The following NRXN3 variants were observed in gnomAD, a reference collection of about 807,000 sequenced individuals.
The protein encoded by NRXN3 is neurexin 3, also known as neurexin III.
NRXN3 carries 32 observed loss-of-function variants against 137.6 expected under a neutral mutation model. That is an observed-to-expected ratio of 0.23 (90% CI 0.18 to 0.31). The LOEUF (loss-of-function observed/expected upper bound fraction) is 0.31. Ranked by LOEUF, NRXN3 falls within the 10% of genes least tolerant of loss-of-function variation. NRXN3 has a pLI of 1.00. For missense variants in NRXN3, 1,574 were observed against 2,062.5 expected (o/e 0.76, Z 4.59); for synonymous variants, 798 against 784.5 (o/e 1.02, Z -0.29).
At chr14:78,270,210 G>A (rs2072497309) in intron 2 of NRXN3, among the ~76,000 whole-genome samples, 1 of 152,144 alleles carries the variant, frequency 6.6e-6, no homozygotes, top group Non-Finnish European at 1.5e-5. Flanking sequence ...CAGAGAAATT[G>A]GAGATGTCTG....
rs200800844 is a variant in NRXN3, at chr14:79,088,195, G to A, written c.3262+100054G>A. Among the ~76,000 whole-genome samples the A allele has an allele frequency of 1.1e-4, 16 of 149,956 alleles. 2 individuals are homozygous for A. The East Asian group carries it at 1.5e-3, about 14-fold the overall frequency. On this transcript the variant is annotated intron_variant, in intron 15 of 20. Coordinates refer to ENST00000335750, the MANE Select transcript of NRXN3 (RefSeq NM_001330195.2). ...TTCAGATAAATCACTTGAACTATCT[G>A]AGCTTTGAAGTGCTTCAGCTTCCAC...
At chr14:78,279,504 T>C (rs1332850056) in intron 3 of NRXN3, 1 of 152,218 alleles carries the variant, frequency 6.6e-6, no homozygotes, top group Non-Finnish European at 1.5e-5. Context: ...TCATTTCAGG[T>C]GTTTTCACAT....
intron 16 of NRXN3, among the ~76,000 whole-genome samples, chr14:79,615,529 C>G (rs1452333281): frequency 6.6e-6 from 1 of 152,166 alleles, no homozygotes; most frequent in Non-Finnish European, 1.5e-5. Flanking sequence ...CTATAAAAAA[C>G]TGTCCAAGAC....
chr14:79,087,049 AG>A, intron 15 of NRXN3, among the ~76,000 whole-genome samples: 1 of 152,286 alleles, frequency 6.6e-6, no homozygotes, highest in South Asian at 2.1e-4. Flanking sequence ...TTCTGAGCTA[AG>A]GAACCCAGAA....
chr14:79,263,218 G>A (rs1457425452), intron 15 of NRXN3, among the ~76,000 whole-genome samples: 1 of 152,128 alleles, frequency 6.6e-6, no homozygotes, highest in Non-Finnish European at 1.5e-5. Flanking sequence ...AAATCTCCAT[G>A]TTTTCAGCCA....
At chr14:79,105,494 A>C (rs150950215) in intron 15 of NRXN3, among the ~76,000 whole-genome samples, 2 of 152,308 alleles carry the variant, frequency 1.3e-5, no homozygotes, top group African/African-American at 4.8e-5. Flanking sequence ...TTGAAGTTTT[A>C]GTGAAAATCG....
chr14:78,338,465 C>T (rs139344142), intron 4 of NRXN3, among the ~76,000 whole-genome samples: 32 of 152,234 alleles, frequency 2.1e-4, no homozygotes, highest in Admixed American at 6.5e-4. Context: ...GGGACTCTTC[C>T]TTATCAATGA....
intron 10 of NRXN3, among the ~76,000 whole-genome samples, chr14:78,842,947 AT>A (rs931214942): frequency 6.6e-6 from 1 of 152,060 alleles, no homozygotes; most frequent in African/African-American, 2.4e-5. Context: ...AGGTGCCCAG[AT>A]TTCATATTGT....
chr14:79,797,006 G>C (rs910746252), intron 19 of NRXN3, among the ~76,000 whole-genome samples: 12 of 152,128 alleles, frequency 7.9e-5, no homozygotes, highest in Non-Finnish European at 2.9e-5. Context: ...TGAGGACAAG[G>C]ACCAGGTCAG....
intron 4 of NRXN3, among the ~76,000 whole-genome samples, chr14:78,480,048 G>A (rs2095446217): frequency 1.3e-5 from 2 of 152,144 alleles, no homozygotes; most frequent in Admixed American, 6.5e-5. Flanking sequence ...GCTGAGGCAG[G>A]AAGAATTGCT....
chr14:78,509,952 G>A (rs1308114794), intron 4 of NRXN3, among the ~76,000 whole-genome samples: 2 of 151,852 alleles, frequency 1.3e-5, no homozygotes, highest in African/African-American at 4.8e-5. Flanking sequence ...CTCAGAACAG[G>A]ATGGCCTAAG....
chr14:79,057,620 T>G (rs1237062010), intron 15 of NRXN3, among the ~76,000 whole-genome samples: 1 of 152,158 alleles, frequency 6.6e-6, no homozygotes, highest in Non-Finnish European at 1.5e-5. Flanking sequence ...GGAGAGAACT[T>G]CAAGAGGAAA....
At chr14:78,272,233 T>A (rs968577393) in intron 2 of NRXN3, among the ~76,000 whole-genome samples, 22 of 152,148 alleles carry the variant, frequency 1.4e-4, no homozygotes, top group Admixed American at 3.3e-4. Flanking sequence ...AAGGCCCTCA[T>A]GCACGTTTAT....
At chr14:79,390,375 C>T (rs1039931636) in intron 15 of NRXN3, among the ~76,000 whole-genome samples, 10 of 151,470 alleles carry the variant, frequency 6.6e-5, no homozygotes, top group African/African-American at 2.4e-4. Flanking sequence ...TGTCATTCTT[C>T]ATCTCTCCTT....
intron 4 of NRXN3, among the ~76,000 whole-genome samples, chr14:78,485,852 C>G (rs2095552250): frequency 1.3e-5 from 2 of 152,256 alleles, no homozygotes; most frequent in African/African-American, 4.8e-5. Context: ...AGTGTAGTCA[C>G]CAAATATGAA....
At chr14:79,610,709 C>A (rs2098088442) in intron 16 of NRXN3, among the ~76,000 whole-genome samples, 1 of 152,220 alleles carries the variant, frequency 6.6e-6, no homozygotes, top group African/African-American at 2.4e-5. Flanking sequence ...CCCAAAGACT[C>A]ATGCCCTTTT....
chr14:79,175,982 T>G lies in NRXN3; in HGVS notation c.3262+187841T>G, dbSNP rs142411642. Reference sequence around the variant, plus strand: ...CTTATGATGGCTTTTAAAAGAGGTGTTGTTGCTTCCTTTAGGAAGTTTATG... The same window carrying G: ...CTTATGATGGCTTTTAAAAGAGGTGGTGTTGCTTCCTTTAGGAAGTTTATG... On this transcript the variant is annotated intron_variant, in intron 15 of 20. Transcript: ENST00000335750. Among the ~76,000 whole-genome samples the G allele has an allele frequency of 7.0e-4, 107 of 152,328 alleles. 1 individual carries two copies. The highest frequency in any genetic ancestry group is 2.4e-3 in the African/African-American group (100 of 41,574).
intron 14 of NRXN3, among the ~76,000 whole-genome samples, chr14:78,986,806 A>G (rs983446750): frequency 1.3e-5 from 2 of 151,956 alleles, no homozygotes; most frequent in East Asian, 3.9e-4. Flanking sequence ...GCAGATCACG[A>G]GGTCAGGAGA....
intron 4 of NRXN3, among the ~76,000 whole-genome samples, chr14:78,482,476 C>G (rs1406331789): frequency 6.6e-6 from 1 of 152,052 alleles, no homozygotes; most frequent in Non-Finnish European, 1.5e-5. Context: ...CTAGACCCTC[C>G]TCTCTCTCTC....
Sources: allele counts gnomAD v4.1 joint callset (sites outside exome capture counted in the v4.1 genomes callset), GRCh38; gene constraint gnomAD v4.1.1; transcripts MANE v1.5; gene names NCBI Gene and HGNC (gene_info 2026-07-23, HGNC 2026-07-21).